The following NCOA2 variants were observed in gnomAD, a reference collection of about 807,000 sequenced individuals.
NCOA2 encodes nuclear receptor coactivator 2.
A neutral mutation model predicts 145.1 loss-of-function variants in NCOA2; 21 were observed. The observed-to-expected ratio is 0.14, with a 90% CI of 0.10 to 0.21. NCOA2 has a LOEUF of 0.21. NCOA2 is among the 10% of genes least tolerant of loss of function. The pLI, the probability that NCOA2 is intolerant of heterozygous loss-of-function variation, is 1.00. For missense variants in NCOA2, 1,472 were observed against 1,837.6 expected, an observed-to-expected ratio of 0.80 and a Z score of 3.64; for synonymous variants, 619 against 637.5, an observed-to-expected ratio of 0.97 and a Z score of 0.44.
In NCOA2 at chr8:70,156,613, G is replaced by C. The variant is rs1217880022; in HGVS notation, c.1752C>G (p.Asp584Glu). ...LSKMGSLDSK[D>E]CFGLYGEPSE... ...AGGGCTCCCCATATAGTCCAAAACA[G>C]TCTTTTGAGTCCAAGCTTCCCATCT... The change falls in exon 11 of 23, where the codon GAC (aspartate) becomes GAG (glutamate). Residue 584 changes from aspartate (D) to glutamate (E), a missense_variant. By Grantham distance (45) the Asp-to-Glu change is conservative (BLOSUM62 2). This residue lies in a region of NCOA2 where 953 missense variants were observed against 1,062.1 expected (regional missense o/e 0.90). Transcript: ENST00000452400. 6 of 1,613,962 alleles carry C rather than the reference G, an allele frequency of 3.7e-6. No individual in the cohort carries two copies. Among genetic ancestry groups the C allele is most frequent in the Non-Finnish European group, 5.1e-6 (6 of 1,179,900 alleles).
At chr8:70,404,464 A>G (rs1214348064), upstream of NCOA2, among the ~76,000 whole-genome samples, 2 of 151,954 alleles carry the variant, frequency 1.3e-5, no homozygotes, top group Non-Finnish European at 2.9e-5. Context: ...CCTCGGGCGC[A>G]CCTCACCCTA....
At chr8:70,227,355 T>C (rs548587726) in intron 2 of NCOA2, among the ~76,000 whole-genome samples, 5 of 152,232 alleles carry the variant, frequency 3.3e-5, no homozygotes, top group Non-Finnish European at 5.9e-5. Flanking sequence ...AATAAAGGCT[T>C]GTGGTTTGAT....
At chr8:70,384,688 CA>C (rs1489888028) in intron 1 of NCOA2, among the ~76,000 whole-genome samples, 5 of 152,084 alleles carry the variant, frequency 3.3e-5, no homozygotes, top group Non-Finnish European at 7.4e-5. Context: ...AAATAACCCC[CA>C]AATTTTTTCC....
rs1276108639 is a variant in NCOA2 at position 70,281,476 on chromosome 8, T to C, written c.-20+15268A>G. On this transcript the variant is annotated intron_variant, in intron 2 of 22. Coordinates refer to ENST00000452400, the MANE Select transcript of NCOA2 (RefSeq NM_006540.4). ...CTTAGGGAGCATAAGCAGCTGGTGA[T>C]ACAGAAAAGATTATGCTGTGGCCTC... Among the ~76,000 whole-genome samples, 6 of 151,556 alleles carry C rather than the reference T, an allele frequency of 4.0e-5. No individual in the cohort carries two copies. The South Asian group carries it at 6.2e-4, about 16-fold the overall frequency.
At chr8:70,405,131 CAGTAGT>C (rs1299021413), upstream of NCOA2, among the ~76,000 whole-genome samples, 2 of 152,128 alleles carry the variant, frequency 1.3e-5, no homozygotes, top group Non-Finnish European at 2.9e-5. Flanking sequence ...GGGTCACAGC[CAGTAGT>C]TGGAGAGGAT....
At chr8:70,383,331 A>C (rs1433363233) in intron 1 of NCOA2, among the ~76,000 whole-genome samples, 1 of 152,136 alleles carries the variant, frequency 6.6e-6, no homozygotes, top group East Asian at 1.9e-4. Flanking sequence ...ACCTATAATT[A>C]CTCATTTAAG....
intron 1 of NCOA2, among the ~76,000 whole-genome samples, chr8:70,316,150 C>A (rs1371346717): frequency 1.3e-5 from 2 of 152,250 alleles, no homozygotes; most frequent in Non-Finnish European, 2.9e-5. Flanking sequence ...AGAGGGTATG[C>A]CTAGATGAAA....
chr8:70,127,557 AG>A (rs903383422), intron 18 of NCOA2, among the ~76,000 whole-genome samples: 21 of 152,116 alleles, frequency 1.4e-4, no homozygotes, highest in Admixed American at 2.6e-4. Flanking sequence ...TCAGAGGTGG[AG>A]GGTGGAGAGG....
intron 5 of NCOA2, among the ~76,000 whole-genome samples, chr8:70,173,883 A>C (rs770377753): frequency 9.2e-5 from 14 of 152,140 alleles, no homozygotes; most frequent in Non-Finnish European, 1.5e-4. Context: ...ACTATTGGTT[A>C]TCTCTGTTTT....
At chr8:70,121,720 A>T (rs1350012915) in intron 21 of NCOA2, among the ~76,000 whole-genome samples, 1 of 152,202 alleles carries the variant, frequency 6.6e-6, no homozygotes, top group Non-Finnish European at 1.5e-5. Flanking sequence ...TTCAAATTAG[A>T]CCAATGACTC....
rs6150644 is a variant in NCOA2 at position 70,159,222 on chromosome 8, T to TTATATATATA, written c.1124+273_1124+282dup. ...ATAATACAAATAATACAGTATAACA[T>TTATATATATA]TATATATATATATATATATATTTTT... On this transcript the variant is annotated intron_variant, in intron 10 of 22. Transcript: ENST00000452400. Among the ~76,000 whole-genome samples, 120 of 44,482 alleles carry TTATATATATA rather than the reference T, an allele frequency of 2.7e-3. 5 individuals carry two copies. Among genetic ancestry groups the TTATATATATA allele is most frequent in the African/African-American group, 7.6e-3 (114 of 14,962 alleles). 29.2% of individuals were successfully genotyped at this position (44,482 alleles called of 152,430 possible).
the NCOA2 span, among the ~76,000 whole-genome samples, chr8:70,428,077 GA>G: frequency 4.0e-5 from 6 of 151,596 alleles, no homozygotes; most frequent in Middle Eastern, 6.8e-3. Flanking sequence ...TACAAATAAG[GA>G]AAAAAAATTG....
chr8:70,216,854 G>T (rs898556032), intron 2 of NCOA2, 90 bp from the exon 3 acceptor site: 36 of 811,398 alleles, frequency 4.4e-5, no homozygotes, highest in Non-Finnish European at 6.4e-5. Context: ...AAAGAATTTT[G>T]ACTCCAATCA....
At chr8:70,392,217 C>T (rs1813272309) in intron 1 of NCOA2, among the ~76,000 whole-genome samples, 1 of 152,160 alleles carries the variant, frequency 6.6e-6, no homozygotes, top group South Asian at 2.1e-4. Context: ...ACTGAAATAA[C>T]AGTATTTAGC....
intron 1 of NCOA2, among the ~76,000 whole-genome samples, chr8:70,389,826 C>A (rs949156204): frequency 1.3e-5 from 2 of 151,806 alleles, no homozygotes; most frequent in Non-Finnish European, 2.9e-5. Context: ...CCACCGCACC[C>A]AGCTCATTTT....
rs1808434019 is a variant in NCOA2, at chr8:70,126,545, GCA to G, written c.3916+266_3916+267del. The G allele has an allele frequency of 5.9e-6, 3 of 509,774 alleles. No individual in the cohort carries two copies. In the South Asian group the frequency reaches 7.5e-5, roughly 13 times the overall value. 31.6% of individuals were successfully genotyped at this position (509,774 alleles called of 1,614,324 possible). A position where few individuals can be genotyped will look rare whatever the true frequency, so the allele number is the denominator to read the frequency against. On this transcript the variant is annotated intron_variant, in intron 19 of 22. Coordinates refer to ENST00000452400, the MANE Select transcript of NCOA2 (RefSeq NM_006540.4). Reference sequence around the variant, plus strand: ...CGCACACAAGATAGACACAGTCTATGCACACACACTTACTTCGGTCATTCTTA... The same window carrying G: ...CGCACACAAGATAGACACAGTCTATGCACACACTTACTTCGGTCATTCTTA...
chr8:70,223,600 C>T (rs10086357), intron 2 of NCOA2, among the ~76,000 whole-genome samples: 115,589 of 152,144 alleles, frequency 0.76, 44,997 homozygotes, highest in Non-Finnish European at 0.84. Context: ...ACACAGATCA[C>T]GGGTGTAATG....
At chr8:70,382,410 A>C (rs1433994500) in intron 1 of NCOA2, among the ~76,000 whole-genome samples, 4 of 152,144 alleles carry the variant, frequency 2.6e-5, no homozygotes, top group Non-Finnish European at 4.4e-5. Context: ...TTACATTTAA[A>C]ATGTCGTTTC....
chr8:70,336,924 AGG>A (rs1321106876), intron 1 of NCOA2, among the ~76,000 whole-genome samples: 1 of 152,104 alleles, frequency 6.6e-6, no homozygotes, highest in Non-Finnish European at 1.5e-5. Context: ...TCCACTCTGG[AGG>A]GGCCATGTGA....
Sources: allele counts gnomAD v4.1 joint callset (sites outside exome capture counted in the v4.1 genomes callset), GRCh38; gene constraint gnomAD v4.1.1; regional missense constraint gnomAD v4.1.1; transcripts MANE v1.5; gene names NCBI Gene and HGNC (gene_info 2026-07-23, HGNC 2026-07-21).